The following ATAD2 variants were observed in gnomAD, a reference collection of about 807,000 sequenced individuals.
ATAD2 encodes ATPase family AAA domain containing 2.
Under a neutral mutation model 168.9 loss-of-function variants are expected in ATAD2, and 62 were observed. The observed-to-expected ratio is 0.37, with a 90% CI of 0.30 to 0.45. The LOEUF is 0.45. Ranked by LOEUF, ATAD2 falls within the 20% of genes least tolerant of loss-of-function variation. The pLI is 1.00. For synonymous variants in ATAD2, 613 were observed against 571.6 expected (o/e 1.07, Z -1.03); for missense variants, 1,419 against 1,667.8 (o/e 0.85, Z 2.60).
intron 1 of ATAD2, among the ~76,000 whole-genome samples, chr8:123,389,212 C>T (rs1460085460): frequency 7.2e-6 from 1 of 138,710 alleles, no homozygotes; most frequent in Non-Finnish European, 1.6e-5. Context: ...TCCTGACCTC[C>T]TGATCCGCCC....
upstream of ATAD2, chr8:123,396,522 AC>A: frequency 3.0e-6 from 2 of 677,714 alleles, no homozygotes; most frequent in Non-Finnish European, 4.8e-6. Flanking sequence ...CGCCCACGCC[AC>A]CACCGTAGAA....
At chr8:123,340,532 T>C (rs988575139) in intron 19 of ATAD2, among the ~76,000 whole-genome samples, 3 of 152,240 alleles carry the variant, frequency 2.0e-5, no homozygotes, top group Non-Finnish European at 4.4e-5. Context: ...ATAGCAGCTT[T>C]ATTCACAAAC....
chr8:123,326,636 C>T (rs954060110), intron 25 of ATAD2, among the ~76,000 whole-genome samples: 1 of 152,040 alleles, frequency 6.6e-6, no homozygotes, highest in Non-Finnish European at 1.5e-5. Context: ...AGAGATCATG[C>T]CACTGAAATC....
Position 123,321,035 on chromosome 8 carries a change from T to C in ATAD2, c.*99A>G. 9.8e-7 allele frequency: 1 copy of C among 1,022,844 alleles called. No individual in the cohort carries two copies. The highest frequency in any genetic ancestry group is 1.5e-6 in the Non-Finnish European group (1 of 677,830). The allele number at this position is 1,022,844 out of a possible 1,614,324, so 63.4% of individuals were successfully genotyped here. A position where few individuals can be genotyped will look rare whatever the true frequency, so the allele number is the denominator to read the frequency against. On this transcript the variant is annotated 3_prime_UTR_variant, in exon 28 of 28. Transcript: ENST00000287394. ...TTATTTTACTATTTTAATCTTTTCCTTAAAGATGCAGGGTTTCATACTACA... is the reference window on the plus strand; with the variant it reads ...TTATTTTACTATTTTAATCTTTTCCCTAAAGATGCAGGGTTTCATACTACA...
chr8:123,399,313 T>G (rs1275759234), upstream of ATAD2, among the ~76,000 whole-genome samples: 2 of 152,164 alleles, frequency 1.3e-5, no homozygotes, highest in Admixed American at 6.5e-5. Context: ...CTCATTTGAT[T>G]TGTTTATTCA....
intron 1 of ATAD2, among the ~76,000 whole-genome samples, chr8:123,407,336 G>T (rs1813081156): frequency 6.6e-6 from 1 of 152,182 alleles, no homozygotes; most frequent in Non-Finnish European, 1.5e-5. Context: ...AGTACAGTTG[G>T]TCTGGGATTG....
intron 3 of ATAD2, 102 bp from the exon 4 acceptor site, chr8:123,371,937 C>A (rs1359167923): frequency 1.7e-6 from 2 of 1,163,700 alleles, no homozygotes; most frequent in Non-Finnish European, 1.2e-6. Flanking sequence ...TTTCATGTAA[C>A]AAAATTACAG....
At chr8:123,373,745 C>T (rs1346590153) in intron 2 of ATAD2, among the ~76,000 whole-genome samples, 4 of 150,418 alleles carry the variant, frequency 2.7e-5, no homozygotes, top group Admixed American at 6.6e-5. Context: ...GCCGAGATCC[C>T]GCCACTGCAC....
chr8:123,344,615 G>C, intron 19 of ATAD2: 1 of 343,652 alleles, frequency 2.9e-6, no homozygotes, highest in Non-Finnish European at 5.6e-6. Context: ...CCAAAGTGCT[G>C]GGATTACAGG....
intron 1 of ATAD2, among the ~76,000 whole-genome samples, chr8:123,391,233 A>G (rs1829817700): frequency 1.3e-5 from 2 of 151,976 alleles, no homozygotes; most frequent in Admixed American, 1.3e-4. Context: ...AAAGATATCC[A>G]TAGTCATAAA....
intron 24 of ATAD2, among the ~76,000 whole-genome samples, chr8:123,329,404 G>A (rs1827709327): frequency 1.3e-5 from 2 of 152,068 alleles, no homozygotes; most frequent in African/African-American, 4.8e-5. Flanking sequence ...ATAGGTGTAT[G>A]CCACTGCATC....
chr8:123,337,860 T>C lies in ATAD2; in HGVS notation c.2855-39A>G, dbSNP rs1049015663. 4 of 1,534,796 alleles carry C rather than the reference T, an allele frequency of 2.6e-6. No individual in the cohort carries two copies. In the South Asian group the frequency reaches 3.9e-5, roughly 15 times the overall value. On this transcript the variant is annotated intron_variant, in intron 20 of 27. Coordinates refer to ENST00000287394, the MANE Select transcript of ATAD2 (RefSeq NM_014109.4). Reference sequence around the variant, plus strand: ...GAAGAATTTAGTTACTGCTCCTCCATAACATTGAGGTTGACAAATGATTTA... The same window carrying C: ...GAAGAATTTAGTTACTGCTCCTCCACAACATTGAGGTTGACAAATGATTTA...
chr8:123,359,401 C>T (rs941504059), intron 10 of ATAD2, 65 bp from the exon 11 acceptor site: 1 of 1,286,176 alleles, frequency 7.8e-7, no homozygotes, highest in East Asian at 2.3e-5. Flanking sequence ...TCACCCCACA[C>T]CATACACAGT....
At chr8:123,343,549 G>A (rs1828132466) in intron 19 of ATAD2, among the ~76,000 whole-genome samples, 1 of 152,092 alleles carries the variant, frequency 6.6e-6, no homozygotes, top group Non-Finnish European at 1.5e-5. Context: ...GTAAGTATTT[G>A]AGCTTATCTT....
intron 1 of ATAD2, among the ~76,000 whole-genome samples, chr8:123,408,814 G>C (rs1813107377): frequency 6.6e-6 from 1 of 150,696 alleles, no homozygotes; most frequent in African/African-American, 2.4e-5. Context: ...ACCGTGCCCG[G>C]CCTGGAAGAT....
At chr8:123,327,564 A>G (rs1827648377) in intron 25 of ATAD2, among the ~76,000 whole-genome samples, 1 of 152,110 alleles carries the variant, frequency 6.6e-6, no homozygotes, top group African/African-American at 2.4e-5. Flanking sequence ...ACCAAAATAA[A>G]TTTTTGGCCC....
At chr8:123,407,555 C>T (rs1433302380) in intron 1 of ATAD2, among the ~76,000 whole-genome samples, 1 of 151,648 alleles carries the variant, frequency 6.6e-6, no homozygotes, top group African/African-American at 2.4e-5. Flanking sequence ...AAAACCCCAT[C>T]TCTACTAAAA....
Position 123,332,366 on chromosome 8 carries a change from T to C in ATAD2, c.3478+1512A>G, listed in dbSNP as rs189488871. ...GAAACTCACATAATCAGCACCCAGA[T>C]TGAGAAACAGAATATATACTAACAT... On this transcript the variant is annotated intron_variant, in intron 24 of 27. Coordinates refer to ENST00000287394, the MANE Select transcript of ATAD2 (RefSeq NM_014109.4). Among the ~76,000 whole-genome samples, 722 of 152,288 alleles carry C rather than the reference T, an allele frequency of 4.7e-3. 15 individuals carry two copies. The highest frequency in any genetic ancestry group is 0.017 in the Middle Eastern group (5 of 294).
intron 1 of ATAD2, among the ~76,000 whole-genome samples, chr8:123,411,834 A>G (rs1195987231): frequency 6.6e-6 from 1 of 152,252 alleles, no homozygotes; most frequent in Non-Finnish European, 1.5e-5. Flanking sequence ...GAAACAGAAA[A>G]AAAAAAGCAC....
Sources: allele counts gnomAD v4.1 joint callset (sites outside exome capture counted in the v4.1 genomes callset), GRCh38; gene constraint gnomAD v4.1.1; transcripts MANE v1.5; gene names NCBI Gene and HGNC (gene_info 2026-07-23, HGNC 2026-07-21).